The following DAB2 variants were observed in gnomAD, a reference collection of about 807,000 sequenced individuals.
The protein encoded by DAB2 is DAB adaptor protein 2.
In DAB2, 28 loss-of-function variants were observed where a neutral mutation model predicts 71.6. The ratio of observed to expected loss-of-function variants is 0.39; its 90% CI spans 0.29 to 0.54. The LOEUF (loss-of-function observed/expected upper bound fraction) is 0.54. Among genes scored for constraint, DAB2 ranks in the 20% least tolerant of loss-of-function variants. DAB2 has a pLI of 0.68. For synonymous variants in DAB2, 345 were observed against 339.7 expected (o/e 1.02, Z -0.17); for missense variants, 867 against 928.8 (o/e 0.93, Z 0.86).
At chr5:39,421,000 C>A (rs1279942172) in intron 1 of DAB2, among the ~76,000 whole-genome samples, 1 of 152,156 alleles carries the variant, frequency 6.6e-6, no homozygotes, top group Non-Finnish European at 1.5e-5. Context: ...CCACTTCCTT[C>A]TGTGACAATG....
chr5:39,400,465 C>T (rs1755472748), intron 1 of DAB2, among the ~76,000 whole-genome samples: 2 of 152,114 alleles, frequency 1.3e-5, no homozygotes, highest in Admixed American at 6.5e-5. Flanking sequence ...AGCTCCTGAC[C>T]TCCCTCAGGT....
chr5:39,417,428 A>T (rs1755873140), intron 1 of DAB2: 1 of 152,162 alleles, frequency 6.6e-6, no homozygotes, highest in Non-Finnish European at 1.5e-5. Flanking sequence ...GACCAGTCAG[A>T]GTTCTTTAGG....
At chr5:39,380,298 G>A (rs964547518) in intron 11 of DAB2, among the ~76,000 whole-genome samples, 3 of 152,146 alleles carry the variant, frequency 2.0e-5, no homozygotes, top group Admixed American at 6.6e-5. Context: ...TCCTCCTCTG[G>A]CCACCCTATT....
chr5:39,417,651 C>T (rs924343195), intron 1 of DAB2: 11 of 152,148 alleles, frequency 7.2e-5, no homozygotes, highest in Non-Finnish European at 1.6e-4. Context: ...TTACTATTTT[C>T]TCTAACTATC....
At chr5:39,412,271 C>A (rs891872631) in intron 1 of DAB2, among the ~76,000 whole-genome samples, 2 of 152,132 alleles carry the variant, frequency 1.3e-5, no homozygotes, top group African/African-American at 4.8e-5. Flanking sequence ...GAAAAGCCTG[C>A]AGACACTGAC....
rs115827423 is a variant in DAB2, at chr5:39,422,740, C to T, written c.-102+2064G>A. On this transcript the variant is annotated intron_variant, in intron 1 of 14. Transcript: ENST00000320816. This position sits in a 1 kb window ranked among gnomAD's most constrained non-coding sequence, Gnocchi z 4.1. ...TCAGCAGCTGCCAGAGGTCCCTGTA[C>T]TACCTTCATGCCAACAAGTGCCTTA... 0.01 allele frequency among the ~76,000 whole-genome samples: 1,531 copies of T among 152,222 alleles called. 40 individuals carry two copies. Among genetic ancestry groups the T allele is most frequent in the African/African-American group, 0.036 (1,482 of 41,510 alleles).
chr5:39,386,363 C>T (rs1755100111), intron 9 of DAB2, among the ~76,000 whole-genome samples: 1 of 152,154 alleles, frequency 6.6e-6, no homozygotes, highest in Admixed American at 6.5e-5. Flanking sequence ...TCTCTCTTTA[C>T]ATATTTCAGA....
At chr5:39,404,620 C>T (rs1434860079) in intron 1 of DAB2, among the ~76,000 whole-genome samples, 1 of 151,586 alleles carries the variant, frequency 6.6e-6, no homozygotes, top group Non-Finnish European at 1.5e-5. Flanking sequence ...GCTCTGTCTC[C>T]CAGGATGGAG....
rs201357764 is a variant in DAB2, at chr5:39,382,685, T to A, written c.1274A>T (p.His425Leu). The stretch of plus-strand genomic sequence containing the variant: ...AGGTGGGATAATGGCTATGGAGTCA[T>A]GTGGTGAGGACTGGACAGAGCTTTC... Reference protein sequence around the residue: ...DLESSVQSSPHDSIAIIPPPQ... With the variant: ...DLESSVQSSPLDSIAIIPPPQ... The change falls in exon 10 of 15, where the codon CAT becomes CTT. Residue 425 changes from histidine to leucine, a missense_variant. His to Leu is a moderately conservative substitution (Grantham distance 99, BLOSUM62 -3). This residue lies in a region of DAB2 where 740 missense variants were observed against 734.3 expected (regional missense o/e 1.01). Coordinates refer to ENST00000320816, the MANE Select transcript of DAB2 (RefSeq NM_001343.4). The A allele has an allele frequency of 1.2e-6, 2 of 1,614,048 alleles. No homozygotes were observed. The highest frequency in any genetic ancestry group is 1.7e-6 in the Non-Finnish European group (2 of 1,180,024).
In DAB2 at chr5:39,377,100, C is replaced by T. The variant is rs572888915; in HGVS notation, c.1687G>A (p.Ala563Thr). 3.1e-6 allele frequency: 5 copies of T among 1,614,140 alleles called. No homozygotes were observed. Among genetic ancestry groups the T allele is most frequent in the Non-Finnish European group, 4.2e-6 (5 of 1,180,022 alleles). The change falls in exon 12 of 15, where the codon GCC (alanine) becomes ACC (threonine). Residue 563 changes from alanine to threonine, a missense_variant. By Grantham distance (58) the Ala-to-Thr change is moderately conservative. This residue lies in a region of DAB2 where 740 missense variants were observed against 734.3 expected (regional missense o/e 1.01). Transcript: ENST00000320816. ...ACAGGCACTGGAGGGGGAGTTGAGG[C>T]TGCAAAGGGTGAAGGCTGGTTCCAA... is the stretch of plus-strand genomic sequence containing the variant. ...SGWNQPSPFA[A>T]STPPPVPVVW...
At chr5:39,380,822 A>G (rs1410707634) in intron 11 of DAB2, among the ~76,000 whole-genome samples, 2 of 152,106 alleles carry the variant, frequency 1.3e-5, no homozygotes, top group African/African-American at 2.4e-5. Context: ...TCTAGGACTT[A>G]TGTTCTAGCT....
At chr5:39,404,611 C>T (rs1390471979) in intron 1 of DAB2, among the ~76,000 whole-genome samples, 1 of 151,324 alleles carries the variant, frequency 6.6e-6, no homozygotes, top group Non-Finnish European at 1.5e-5. Context: ...CAGAGTCTTG[C>T]TCTGTCTCCC....
At chr5:39,383,343 A>G (rs1244055747) in intron 9 of DAB2, 72 bp from the exon 10 acceptor site, 4 of 1,184,474 alleles carry the variant, frequency 3.4e-6, no homozygotes, top group Non-Finnish European at 4.8e-6. Context: ...AAATTACATA[A>G]GATGACTAGG....
At chr5:39,399,419 A>T (rs1755447489) in intron 1 of DAB2, among the ~76,000 whole-genome samples, 1 of 152,246 alleles carries the variant, frequency 6.6e-6, no homozygotes, top group Admixed American at 6.5e-5. Flanking sequence ...AAGAGAAGTA[A>T]GATGACACAT....
rs911500390 is a variant in DAB2 at position 39,371,705 on chromosome 5, A to G, written c.*1726T>C. 6.6e-6 allele frequency: 1 copy of G among 152,218 alleles called. No individual in the cohort carries two copies. Among genetic ancestry groups the G allele is most frequent in the African/African-American group, 2.4e-5 (1 of 41,464 alleles). 9.4% of individuals were successfully genotyped at this position (152,218 alleles called of 1,614,324 possible). A position where few individuals can be genotyped will look rare whatever the true frequency, so the allele number is the denominator to read the frequency against. On this transcript the variant is annotated 3_prime_UTR_variant, in exon 15 of 15. Transcript: ENST00000320816. ...TCTGCCACTCCAGTTTATTGAAATG[A>G]GTAAATTTATAGCTTTATTTGCATA...
At chr5:39,424,522 C>T (rs974128856) in intron 1 of DAB2, among the ~76,000 whole-genome samples, 3 of 117,750 alleles carry the variant, frequency 2.5e-5, no homozygotes, top group Non-Finnish European at 5.5e-5. Context: ...CACACACACA[C>T]GACACAAAAG....
chr5:39,415,410 T>G (rs1015911404), intron 1 of DAB2, among the ~76,000 whole-genome samples: 1 of 152,184 alleles, frequency 6.6e-6, no homozygotes, highest in African/African-American at 2.4e-5. Flanking sequence ...GGAAACACTA[T>G]GCTCATTTGG....
intron 1 of DAB2, chr5:39,408,971 G>A (rs1471040479): frequency 6.6e-6 from 1 of 152,088 alleles, no homozygotes; most frequent in Non-Finnish European, 1.5e-5. Flanking sequence ...AAACCCCTGG[G>A]TAATTTTCGT....
chr5:39,392,312 T>C, intron 4 of DAB2, 53 bp downstream of exon 4: 2 of 1,367,394 alleles, frequency 1.5e-6, no homozygotes, highest in East Asian at 2.3e-5. Flanking sequence ...AAGTAGCAAA[T>C]TGTTGGTCAG....
Sources: gnomAD v4.1 joint callset for allele counts (sites outside exome capture counted in the v4.1 genomes callset) on GRCh38, gnomAD v4.1.1 for gene constraint, gnomAD v4.1.1 regional missense constraint, Gnocchi (gnomAD v3.1) non-coding constraint, MANE v1.5 for transcripts, NCBI Gene and HGNC (gene_info 2026-07-23, HGNC 2026-07-21) for gene names.